The following TTC28 variants were observed in gnomAD, a reference collection of about 807,000 sequenced individuals.
TTC28 encodes tetratricopeptide repeat domain 28, also known as tetratricopeptide repeat protein 28.
A neutral mutation model predicts 198.0 loss-of-function variants in TTC28; 61 were observed. The observed-to-expected ratio is 0.31, with a 90% CI of 0.25 to 0.38. The LOEUF (loss-of-function observed/expected upper bound fraction) is 0.38, where lower values mean the gene tolerates loss of function less well. TTC28 is among the 10% of genes least tolerant of loss of function. The pLI is 1.00. For synonymous variants in TTC28, 1,171 were observed against 1,297.8 expected (o/e 0.90, Z 2.10); for missense variants, 2,678 against 3,164.0 (o/e 0.85, Z 3.69).
intron 2 of TTC28, among the ~76,000 whole-genome samples, chr22:28,411,157 C>T (rs1357844775): frequency 6.6e-6 from 1 of 152,110 alleles, no homozygotes; most frequent in African/African-American, 2.4e-5. Context: ...TTTAAAAAAT[C>T]GATACCCCAG....
chr22:28,659,576 T>C (rs556071140), intron 1 of TTC28, among the ~76,000 whole-genome samples: 1 of 152,108 alleles, frequency 6.6e-6, no homozygotes, highest in Non-Finnish European at 1.5e-5. Context: ...ATAACTACAT[T>C]TCTAGCTTCA....
intron 1 of TTC28, among the ~76,000 whole-genome samples, chr22:28,654,399 C>T (rs2051611415): frequency 6.6e-6 from 1 of 152,184 alleles, no homozygotes; most frequent in Admixed American, 6.5e-5. Flanking sequence ...GCAATCTCAG[C>T]TCACTGCAAC....
chr22:28,417,583 A>G (rs953086396), intron 2 of TTC28, among the ~76,000 whole-genome samples: 2 of 152,236 alleles, frequency 1.3e-5, no homozygotes, highest in African/African-American at 4.8e-5. Flanking sequence ...AGGAATTTAC[A>G]AGGTTTAGAT....
intron 2 of TTC28, among the ~76,000 whole-genome samples, chr22:28,599,230 A>G (rs1204747232): frequency 6.6e-6 from 1 of 152,290 alleles, no homozygotes; most frequent in African/African-American, 2.4e-5. Context: ...TCTAAATTGT[A>G]TAATTTAGCC....
chr22:28,133,897 C>T (rs953754234), intron 6 of TTC28, among the ~76,000 whole-genome samples: 5 of 152,302 alleles, frequency 3.3e-5, no homozygotes, highest in Admixed American at 1.3e-4. Flanking sequence ...GATCTGAGAG[C>T]GGACAGACTG....
At chr22:28,404,412 C>T (rs936597910) in intron 2 of TTC28, among the ~76,000 whole-genome samples, 4 of 152,130 alleles carry the variant, frequency 2.6e-5, no homozygotes, top group South Asian at 2.1e-4. Flanking sequence ...ACACCGCGCC[C>T]GGCCTATATG....
At chr22:28,336,576 T>A (rs905352217) in intron 2 of TTC28, among the ~76,000 whole-genome samples, 1 of 152,174 alleles carries the variant, frequency 6.6e-6, no homozygotes, top group Non-Finnish European at 1.5e-5. Flanking sequence ...GGAGGGTGTA[T>A]GTATCGAGGA....
chr22:28,617,138 G>A (rs2050916036), intron 2 of TTC28, among the ~76,000 whole-genome samples: 2 of 151,922 alleles, frequency 1.3e-5, no homozygotes, highest in Admixed American at 6.6e-5. Context: ...TCTGAAAAGA[G>A]GGGATTCAAG....
chr22:28,118,581 C>A (rs1426340830), intron 6 of TTC28, among the ~76,000 whole-genome samples: 1 of 152,104 alleles, frequency 6.6e-6, no homozygotes, highest in Non-Finnish European at 1.5e-5. Context: ...CCCTCCTATA[C>A]AACTTTGTAG....
intron 5 of TTC28, among the ~76,000 whole-genome samples, chr22:28,172,400 G>T (rs554513809): frequency 6.6e-6 from 1 of 152,300 alleles, no homozygotes; most frequent in East Asian, 1.9e-4. Context: ...GAGGCAATGA[G>T]CCTTTGAACA....
At chr22:28,057,248 C>CAATAA (rs1395518024) in intron 12 of TTC28, among the ~76,000 whole-genome samples, 1 of 152,092 alleles carries the variant, frequency 6.6e-6, no homozygotes, top group East Asian at 1.9e-4. Flanking sequence ...ATAGTCACTC[C>CAATAA]AATAATACAT....
At chr22:28,518,600 C>T (rs2048838568) in intron 2 of TTC28, among the ~76,000 whole-genome samples, 2 of 152,104 alleles carry the variant, frequency 1.3e-5, no homozygotes, top group South Asian at 4.2e-4. Flanking sequence ...AGAGTAAGAC[C>T]CTGTCTCTAT....
At chr22:28,021,846 T>A (rs1938617461) in intron 13 of TTC28, among the ~76,000 whole-genome samples, 1 of 152,048 alleles carries the variant, frequency 6.6e-6, no homozygotes, top group Non-Finnish European at 1.5e-5. Context: ...GGCCATGACA[T>A]CTTTAGGATG....
At chr22:28,355,763 G>C (rs1010326618) in intron 2 of TTC28, among the ~76,000 whole-genome samples, 9 of 152,334 alleles carry the variant, frequency 5.9e-5, no homozygotes, top group Non-Finnish European at 1.3e-4. Context: ...GCATGGCTGA[G>C]TATTCAAAAG....
At chr22:27,990,056 G>T (rs1476345670) in intron 20 of TTC28, 49 bp from the exon 21 acceptor site, 1 of 1,530,828 alleles carries the variant, frequency 6.5e-7, no homozygotes, top group Non-Finnish European at 8.8e-7. Context: ...TTCCCCTCCA[G>T]CCCACCTCAA....
intron 2 of TTC28, among the ~76,000 whole-genome samples, chr22:28,410,060 T>G (rs1229675680): frequency 6.6e-6 from 1 of 152,068 alleles, no homozygotes; most frequent in Admixed American, 6.6e-5. Flanking sequence ...TAGCTGGGAC[T>G]GCAGGCATGT....
chr22:28,169,797 G>T (rs1489747851), intron 5 of TTC28, among the ~76,000 whole-genome samples: 1 of 151,662 alleles, frequency 6.6e-6, no homozygotes, highest in Non-Finnish European at 1.5e-5. Context: ...TTGTGCACAT[G>T]TACCCTAAAA....
At chr22:28,121,099 T>C (rs1035337346) in intron 6 of TTC28, among the ~76,000 whole-genome samples, 7 of 152,226 alleles carry the variant, frequency 4.6e-5, no homozygotes, top group African/African-American at 1.7e-4. Context: ...ACATAGGAAA[T>C]TGGAGGCTCC....
chr22:28,573,786 A>T (rs2050099889), intron 2 of TTC28, among the ~76,000 whole-genome samples: 1 of 151,814 alleles, frequency 6.6e-6, no homozygotes, highest in Admixed American at 6.6e-5. Flanking sequence ...CAAATACTAG[A>T]TCTTACTCAT....
Sources: allele counts gnomAD v4.1 joint callset (sites outside exome capture counted in the v4.1 genomes callset), GRCh38; gene constraint gnomAD v4.1.1; transcripts MANE v1.5; gene names NCBI Gene and HGNC (gene_info 2026-07-23, HGNC 2026-07-21).